NEURL1: variants seen among roughly 807,000 people sequenced by gnomAD.
NEURL1 encodes neuralized E3 ubiquitin protein ligase 1.
NEURL1 carries 26 observed loss-of-function variants against 41.2 expected under a neutral mutation model. That is an observed-to-expected ratio of 0.63 (90% CI 0.46 to 0.87). The LOEUF (loss-of-function observed/expected upper bound fraction) is 0.87, where lower values mean the gene tolerates loss of function less well. Ranked by LOEUF, NEURL1 falls within the 40% of genes least tolerant of loss-of-function variation. NEURL1 has a pLI of 0.00. For missense variants in NEURL1, 761 were observed against 871.1 expected (o/e 0.87, Z 1.59); for synonymous variants, 400 against 402.3 (o/e 0.99, Z 0.07).
chr10:103,534,805 C>T (rs923785858), intron 1 of NEURL1, among the ~76,000 whole-genome samples: 2 of 152,002 alleles, frequency 1.3e-5, no homozygotes, highest in African/African-American at 2.4e-5. Context: ...TATTATGCCA[C>T]CTGGGTCATG....
At chr10:103,557,124 C>T (rs2035173245) in intron 1 of NEURL1, among the ~76,000 whole-genome samples, 2 of 152,148 alleles carry the variant, frequency 1.3e-5, no homozygotes, top group African/African-American at 2.4e-5. Context: ...TAATAGCACC[C>T]TCCTTCTAAG....
chr10:103,510,554 C>T (rs946196718), intron 1 of NEURL1, among the ~76,000 whole-genome samples: 50 of 152,258 alleles, frequency 3.3e-4, no homozygotes, highest in African/African-American at 1.0e-3. Context: ...TCCTTGTAGG[C>T]CAGCTCTTAC....
intron 1 of NEURL1, among the ~76,000 whole-genome samples, chr10:103,502,469 G>A (rs950728455): frequency 2.0e-5 from 3 of 152,166 alleles, no homozygotes; most frequent in South Asian, 2.1e-4. Context: ...CATATGGAGC[G>A]AGAACGATCT....
chr10:103,532,920 C>CTTTTT (rs144783148), intron 1 of NEURL1, among the ~76,000 whole-genome samples: 290 of 63,430 alleles, frequency 4.6e-3, no homozygotes, highest in Non-Finnish European at 5.3e-3. Flanking sequence ...TTCTCTTCTC[C>CTTTTT]TTTTTTTTTT....
chr10:103,580,356 C>T (rs894826102), intron 3 of NEURL1, among the ~76,000 whole-genome samples: 1 of 152,170 alleles, frequency 6.6e-6, no homozygotes, highest in Admixed American at 6.5e-5. Context: ...GTCCCGGCAC[C>T]GATTATGTAA....
chr10:103,560,539 C>A (rs1382883174), intron 1 of NEURL1, among the ~76,000 whole-genome samples: 9 of 152,184 alleles, frequency 5.9e-5, no homozygotes, highest in African/African-American at 2.2e-4. Context: ...CACTTTCTTT[C>A]ACCCACCCTG....
intron 4 of NEURL1, chr10:103,588,698 G>C: frequency 2.3e-6 from 1 of 431,728 alleles, no homozygotes; most frequent in South Asian, 1.6e-5. Flanking sequence ...AGCAATCCCA[G>C]CACTTTGGGA....
chr10:103,587,005 A>G (rs4917393), intron 4 of NEURL1, among the ~76,000 whole-genome samples: 114,748 of 151,420 alleles, frequency 0.76, 43,741 homozygotes, highest in South Asian at 0.86. Context: ...GACCTGAGAT[A>G]GTGGCACTGC....
rs138508656 is a variant in NEURL1, at chr10:103,523,850, C to T, written c.85+29378C>T. Among the ~76,000 whole-genome samples the T allele has an allele frequency of 1.4e-3, 217 of 152,156 alleles. 1 individual carries two copies. Among genetic ancestry groups the T allele is most frequent in the African/African-American group, 5.0e-3 (206 of 41,516 alleles). On this transcript the variant is annotated intron_variant, in intron 1 of 5. Transcript: ENST00000369780. The stretch of plus-strand genomic sequence containing the variant: ...TGTCTTTATCCATTTACTTGTTGAT[C>T]GACACTTAGGTTGATTTCATATCTT...
intron 4 of NEURL1, among the ~76,000 whole-genome samples, chr10:103,585,453 T>C (rs2133885552): frequency 6.6e-6 from 1 of 152,188 alleles, no homozygotes; most frequent in South Asian, 2.1e-4. Context: ...GCGCGGATTA[T>C]TGAGTTTGAT....
intron 3 of NEURL1, among the ~76,000 whole-genome samples, chr10:103,581,636 A>G (rs1032251641): frequency 2.0e-5 from 3 of 152,206 alleles, no homozygotes; most frequent in Admixed American, 1.3e-4. Context: ...AATGTTGGTT[A>G]CTGAAAAAAA....
intron 1 of NEURL1, among the ~76,000 whole-genome samples, chr10:103,543,279 G>T (rs547002834): frequency 1.3e-5 from 2 of 152,330 alleles, no homozygotes; most frequent in East Asian, 3.9e-4. Flanking sequence ...ACACCTGGCT[G>T]CGTGGCTTCT....
intron 1 of NEURL1, among the ~76,000 whole-genome samples, chr10:103,557,343 G>A (rs1013259442): frequency 2.0e-5 from 3 of 152,112 alleles, no homozygotes; most frequent in African/African-American, 7.2e-5. Flanking sequence ...AATCAAGAGG[G>A]CTTGGAAAGG....
intron 1 of NEURL1, among the ~76,000 whole-genome samples, chr10:103,527,373 C>A (rs1385310303): frequency 6.6e-6 from 1 of 150,792 alleles, no homozygotes; most frequent in African/African-American, 2.4e-5. Context: ...TGGCTCACAG[C>A]AACCTCTACC....
intron 1 of NEURL1, among the ~76,000 whole-genome samples, chr10:103,524,700 C>T (rs1226224283): frequency 6.6e-6 from 1 of 152,166 alleles, no homozygotes; most frequent in Non-Finnish European, 1.5e-5. Context: ...GTTGAAAAGA[C>T]TGTTCCATCC....
In NEURL1 at chr10:103,589,544, C is replaced by T. The variant is rs970300987; in HGVS notation, c.1370C>T (p.Pro457Leu). ...ACTATCCTGGCCGAGCGGGGTATCC[C>T]ATCACTCCCCTGCTCCCCTGCCTCC... ...GSTILAERGI[P>L]SLPCSPASTP... The change falls in exon 5 of 6, where the codon CCA becomes CTA. Residue 457 changes from proline (P) to leucine (L), a missense_variant. Physicochemically the swap from Pro to Leu is moderately conservative, Grantham distance 98. Coordinates refer to ENST00000369780, the MANE Select transcript of NEURL1 (RefSeq NM_004210.5). The T allele has an allele frequency of 6.2e-7, 1 of 1,613,272 alleles. No individual in the cohort carries two copies.
intron 3 of NEURL1, among the ~76,000 whole-genome samples, chr10:103,583,425 AAAG>A (rs1323185998): frequency 2.0e-5 from 3 of 152,038 alleles, no homozygotes; most frequent in African/African-American, 4.8e-5. Flanking sequence ...TGCACTAAAA[AAAG>A]TAACCAGCTG....
At chr10:103,500,682 G>A (rs1386465071) in intron 1 of NEURL1, among the ~76,000 whole-genome samples, 1 of 152,314 alleles carries the variant, frequency 6.6e-6, no homozygotes, top group Admixed American at 6.5e-5. Context: ...CGCTTTCTTC[G>A]GGGTTTTAGA....
Position 103,584,749 on chromosome 10 carries a change from C to A in NEURL1, c.863C>A (p.Ala288Glu). The stretch of plus-strand genomic sequence containing the variant: ...TCGCAGCACAGCCGCGCGCTGCCGG[C>A]GCAGCTCGACGGCGACCTGCGTTTC... ...LNSQHSRALP[A>E]QLDGDLRFHA... Residue 288 changes from alanine (A) to glutamate (E), a missense_variant, in exon 4 of 6, where the codon GCG (alanine) becomes GAG (glutamate). By Grantham distance (107) the Ala-to-Glu change is moderately radical. Transcript: ENST00000369780. 2.1e-6 allele frequency: 3 copies of A among 1,459,488 alleles called. No homozygotes were observed. Among genetic ancestry groups the A allele is most frequent in the Non-Finnish European group, 2.7e-6 (3 of 1,110,512 alleles). The allele number at this position is 1,459,488 out of a possible 1,614,324, so 90.4% of individuals were successfully genotyped here. A position where few individuals can be genotyped will look rare whatever the true frequency, so the allele number is the denominator to read the frequency against.
Sources: gnomAD v4.1 joint callset for allele counts (sites outside exome capture counted in the v4.1 genomes callset) on GRCh38, gnomAD v4.1.1 for gene constraint, MANE v1.5 for transcripts, NCBI Gene and HGNC (gene_info 2026-07-23, HGNC 2026-07-21) for gene names.